The following FAF1 variants were observed in gnomAD, a reference collection of about 807,000 sequenced individuals.
FAF1 encodes the protein FAS-associated factor 1.
FAF1 carries 25 observed loss-of-function variants against 92.5 expected under a neutral mutation model. That is an observed-to-expected ratio of 0.27 (90% CI 0.20 to 0.38). The LOEUF is 0.38. Among genes scored for constraint, FAF1 ranks in the 10% least tolerant of loss-of-function variants. The pLI is 1.00. For missense variants in FAF1, 636 were observed against 793.3 expected (o/e 0.80, Z 2.38); for synonymous variants, 234 against 273.2 (o/e 0.86, Z 1.42).
At chr1:50,685,809 A>G (rs1476567858) in intron 7 of FAF1, among the ~76,000 whole-genome samples, 1 of 152,232 alleles carries the variant, frequency 6.6e-6, no homozygotes, top group Admixed American at 6.5e-5. Context: ...TGAAGTTGGC[A>G]TGAATTTTCA....
intron 7 of FAF1, among the ~76,000 whole-genome samples, chr1:50,658,693 G>T (rs1196635014): frequency 6.6e-6 from 1 of 152,192 alleles, no homozygotes; most frequent in African/African-American, 2.4e-5. Context: ...TAAGCAACTT[G>T]TCATAGAATA....
chr1:50,738,708 A>C (rs566677269), intron 6 of FAF1, among the ~76,000 whole-genome samples, 155 bp downstream of exon 6: 2 of 152,324 alleles, frequency 1.3e-5, no homozygotes, highest in South Asian at 4.1e-4. Context: ...TATCCAGAAC[A>C]AACTGTTTCA....
In FAF1 at chr1:50,866,784, A is replaced by G. The variant is rs111308652; in HGVS notation, c.46-8787T>C. ...CTGCCAAAAGCAATCTGGAACTTCA[A>G]TGCAATTGCCATCAAAATACCATCA... On this transcript the variant is annotated intron_variant, in intron 1 of 18. Coordinates refer to ENST00000396153, the MANE Select transcript of FAF1 (RefSeq NM_007051.3). Among the ~76,000 whole-genome samples the G allele has an allele frequency of 6.5e-3, 990 of 152,304 alleles. 12 individuals are homozygous for G. The highest frequency in any genetic ancestry group is 0.049 in the South Asian group (234 of 4,824).
chr1:50,480,119 A>G (rs1443099203), intron 17 of FAF1, among the ~76,000 whole-genome samples: 2 of 152,218 alleles, frequency 1.3e-5, no homozygotes, highest in African/African-American at 4.8e-5. Flanking sequence ...GAAACCTGGT[A>G]TAAGTTAGAA....
intron 15 of FAF1, among the ~76,000 whole-genome samples, chr1:50,495,050 G>A (rs1172216011): frequency 6.6e-6 from 1 of 152,128 alleles, no homozygotes; most frequent in Non-Finnish European, 1.5e-5. Flanking sequence ...GGCATGCAAT[G>A]GGTATTAATT....
chr1:50,706,255 T>C (rs1657670558), intron 6 of FAF1, among the ~76,000 whole-genome samples: 1 of 152,232 alleles, frequency 6.6e-6, no homozygotes, highest in Non-Finnish European at 1.5e-5. Context: ...AAGACTCTGG[T>C]TCAATTCCAA....
At chr1:50,806,051 T>C (rs1662185803) in intron 2 of FAF1, among the ~76,000 whole-genome samples, 2 of 152,064 alleles carry the variant, frequency 1.3e-5, no homozygotes, top group South Asian at 4.2e-4. Flanking sequence ...GTTTGCCCTT[T>C]GAAAGATACC....
intron 6 of FAF1, among the ~76,000 whole-genome samples, chr1:50,710,904 G>C (rs980394007): frequency 6.9e-6 from 1 of 145,146 alleles, no homozygotes; most frequent in African/African-American, 2.6e-5. Flanking sequence ...GCCCGGCCAA[G>C]TGGCATTTGT....
At chr1:50,896,475 T>G (rs1644758757) in intron 1 of FAF1, among the ~76,000 whole-genome samples, 1 of 152,144 alleles carries the variant, frequency 6.6e-6, no homozygotes. Flanking sequence ...ATATCCACAT[T>G]CCCATGTTCA....
At chr1:50,861,823 C>T (rs889340911) in intron 1 of FAF1, among the ~76,000 whole-genome samples, 1 of 151,738 alleles carries the variant, frequency 6.6e-6, no homozygotes, top group Non-Finnish European at 1.5e-5. Flanking sequence ...TTCTGTCTCC[C>T]TCACCACCCC....
At chr1:50,822,618 T>C (rs2124621644) in intron 2 of FAF1, among the ~76,000 whole-genome samples, 1 of 152,294 alleles carries the variant, frequency 6.6e-6, no homozygotes, top group South Asian at 2.1e-4. Context: ...TATAACTGCC[T>C]TCTCTATTCA....
intron 1 of FAF1, among the ~76,000 whole-genome samples, chr1:50,885,324 A>ACACACACACACACACACTCT (rs1644651416): frequency 2.2e-4 from 23 of 102,282 alleles, no homozygotes; most frequent in African/African-American, 8.1e-4. Flanking sequence ...ACACACACAC[A>ACACACACACACACACACTCT]CTCTCTCTCT....
chr1:50,567,346 T>C (rs1650220133), intron 12 of FAF1, 115 bp from the exon 13 acceptor site: 1 of 688,092 alleles, frequency 1.5e-6, no homozygotes, highest in Non-Finnish European at 2.3e-6. Context: ...TTAAATGCTA[T>C]TCCCTAAGAG....
intron 3 of FAF1, among the ~76,000 whole-genome samples, chr1:50,801,375 A>C (rs1391659731): frequency 6.6e-6 from 1 of 152,244 alleles, no homozygotes; most frequent in Non-Finnish European, 1.5e-5. Context: ...ATCAAAGGAT[A>C]AGCTTGAAAA....
chr1:50,873,513 C>T (rs1416032626), intron 1 of FAF1, among the ~76,000 whole-genome samples: 3 of 152,180 alleles, frequency 2.0e-5, no homozygotes, highest in Non-Finnish European at 4.4e-5. Flanking sequence ...CCCATCTGGG[C>T]AAGACAAACT....
In FAF1 at chr1:50,583,811, A is replaced by T; in HGVS notation, c.968-96T>A. ...ACATCTAATCCCACATATAAGAAAT[A>T]TATTCAATCAATAAAGAGGAAATAA... On this transcript the variant is annotated intron_variant, in intron 10 of 18. Transcript: ENST00000396153. This position sits in a 1 kb window ranked among gnomAD's most constrained non-coding sequence, Gnocchi z 4.2. The T allele has an allele frequency of 1.6e-6, 1 of 631,672 alleles. No homozygotes were observed. Among genetic ancestry groups the T allele is most frequent in the Non-Finnish European group, 2.7e-6 (1 of 374,746 alleles). The allele number at this position is 631,672 out of a possible 1,614,324, so 39.1% of individuals were successfully genotyped here.
At chr1:50,887,042 A>C (rs1221203124) in intron 1 of FAF1, among the ~76,000 whole-genome samples, 2 of 152,130 alleles carry the variant, frequency 1.3e-5, no homozygotes, top group East Asian at 3.9e-4. Context: ...CAGCACCTGC[A>C]GTTTCCTGAC....
rs550978143 is a variant in FAF1 at position 50,866,389 on chromosome 1, G to A, written c.46-8392C>T. Among the ~76,000 whole-genome samples, 20 of 152,080 alleles carry A rather than the reference G, an allele frequency of 1.3e-4. No individual in the cohort carries two copies. In the South Asian group the frequency reaches 3.7e-3, roughly 28 times the overall value. ...AAAGCACATCCAAACCAGTAAAGAG[G>A]AAGTCAAACTGTTGATGTTTGCCGA... is the stretch of plus-strand genomic sequence containing the variant. On this transcript the variant is annotated intron_variant, in intron 1 of 18. Coordinates refer to ENST00000396153, the MANE Select transcript of FAF1 (RefSeq NM_007051.3).
chr1:50,689,993 CTTTTTTTTT>C (rs1159221059), intron 7 of FAF1, among the ~76,000 whole-genome samples: 2 of 122,336 alleles, frequency 1.6e-5, no homozygotes, highest in Non-Finnish European at 3.4e-5. Flanking sequence ...CATTATATTT[CTTTTTTTTT>C]TTTTTTTTTT....
Sources: gnomAD v4.1 joint callset for allele counts (sites outside exome capture counted in the v4.1 genomes callset) on GRCh38, gnomAD v4.1.1 for gene constraint, Gnocchi (gnomAD v3.1) non-coding constraint, MANE v1.5 for transcripts, NCBI Gene and HGNC (gene_info 2026-07-23, HGNC 2026-07-21) for gene names.